KATNAL1: variants seen among roughly 807,000 people sequenced by gnomAD.
KATNAL1 encodes katanin catalytic subunit A1 like 1, also known as katanin p60 ATPase-containing subunit A-like 1.
Under a neutral mutation model 55.2 loss-of-function variants are expected in KATNAL1, and 32 were observed. That is an observed-to-expected ratio of 0.58 (90% confidence interval 0.44 to 0.78). The LOEUF (loss-of-function observed/expected upper bound fraction) is 0.78, where lower values mean the gene tolerates loss of function less well. Among genes scored for constraint, KATNAL1 ranks in the 30% least tolerant of loss-of-function variants. The pLI is 0.00. For synonymous variants in KATNAL1, 193 were observed against 193.6 expected, an observed-to-expected ratio of 1.00 and a Z score of 0.02; for missense variants, 466 against 600.9, an observed-to-expected ratio of 0.78 and a Z score of 2.35.
rs780366197 is a variant in KATNAL1 at position 30,230,612 on chromosome 13, A to G, written c.886-18T>C. 3.8e-6 allele frequency: 6 copies of G among 1,560,254 alleles called. No individual in the cohort carries two copies. Among genetic ancestry groups the G allele is most frequent in the South Asian group, 2.4e-5 (2 of 84,816 alleles). On this transcript the variant is annotated intron_variant, in intron 7 of 10. Coordinates refer to ENST00000380615, the MANE Select transcript of KATNAL1 (RefSeq NM_032116.5). ...AATCTAGCCTTTATGAAAATATTTT[A>G]AAGAAATCATTCAATAATCTCATAA...
intron 3 of KATNAL1, among the ~76,000 whole-genome samples, chr13:30,261,967 AG>A (rs993556778): frequency 3.9e-5 from 6 of 152,346 alleles, no homozygotes; most frequent in African/African-American, 1.4e-4. Flanking sequence ...CATACTTGGA[AG>A]TAAAGTTCTC....
At chr13:30,278,775 T>C (rs750393055) in intron 3 of KATNAL1, among the ~76,000 whole-genome samples, 2 of 152,234 alleles carry the variant, frequency 1.3e-5, no homozygotes, top group Non-Finnish European at 2.9e-5. Context: ...TAGGCTAAAA[T>C]GTCATTCTTT....
chr13:30,238,866 G>GA (rs1314889964), intron 6 of KATNAL1, among the ~76,000 whole-genome samples: 2 of 152,210 alleles, frequency 1.3e-5, no homozygotes, highest in Non-Finnish European at 2.9e-5. Flanking sequence ...CAATGCAGGA[G>GA]AAAGTGTGCC....
chr13:30,276,323 G>A (rs950770882), intron 3 of KATNAL1, among the ~76,000 whole-genome samples: 8 of 152,258 alleles, frequency 5.3e-5, no homozygotes, highest in East Asian at 1.9e-4. Flanking sequence ...CAAAACCACC[G>A]ATGGAAAACC....
intron 4 of KATNAL1, among the ~76,000 whole-genome samples, chr13:30,248,806 T>G (rs1878026230): frequency 6.6e-6 from 1 of 152,170 alleles, no homozygotes; most frequent in Non-Finnish European, 1.5e-5. Flanking sequence ...ACGCCTGTAA[T>G]CCCAGCACTT....
intron 4 of KATNAL1, among the ~76,000 whole-genome samples, chr13:30,253,658 A>G (rs1011599415): frequency 1.2e-3 from 28 of 24,186 alleles, no homozygotes; most frequent in African/African-American, 2.1e-3. Context: ...GCGAGACTCC[A>G]TCTCAAAAAA....
intron 3 of KATNAL1, 55 bp downstream of exon 3, chr13:30,280,008 A>T: frequency 6.9e-7 from 1 of 1,458,102 alleles, no homozygotes; most frequent in Non-Finnish European, 9.3e-7. Context: ...AACATGCTTC[A>T]CTGTGAACAT....
chr13:30,228,517 A>G (rs796810747), intron 8 of KATNAL1, among the ~76,000 whole-genome samples: 7 of 152,364 alleles, frequency 4.6e-5, no homozygotes, highest in African/African-American at 1.7e-4. Context: ...TCAGCTGACT[A>G]AATTTGTATT....
rs142177530 is a variant in KATNAL1 at position 30,280,868 on chromosome 13, C to T, written c.163-645G>A. ...ACTGAACACATACTATGAGGAAATT[C>T]TTGTGTTTGCAAACTTTGAGCCCAA... is the stretch of plus-strand genomic sequence containing the variant. On this transcript the variant is annotated intron_variant, in intron 2 of 10. Transcript: ENST00000380615. Among the ~76,000 whole-genome samples the T allele has an allele frequency of 4.7e-3, 715 of 151,968 alleles. 2 individuals are homozygous for T. Among genetic ancestry groups the T allele is most frequent in the Non-Finnish European group, 8.0e-3 (541 of 67,962 alleles).
chr13:30,263,015 T>G (rs1472659628), intron 3 of KATNAL1, among the ~76,000 whole-genome samples: 6 of 152,178 alleles, frequency 3.9e-5, no homozygotes, highest in Non-Finnish European at 8.8e-5. Flanking sequence ...TAAAAGCTTA[T>G]CCACCATGAT....
At chr13:30,225,878 G>A (rs1456017189) in intron 9 of KATNAL1, among the ~76,000 whole-genome samples, 1 of 150,974 alleles carries the variant, frequency 6.6e-6, no homozygotes, top group Admixed American at 6.6e-5. Context: ...AAAATCAAAA[G>A]GCAAACTACA....
intron 9 of KATNAL1, among the ~76,000 whole-genome samples, chr13:30,215,438 G>A (rs1395260762): frequency 2.6e-5 from 4 of 152,110 alleles, no homozygotes; most frequent in Admixed American, 2.0e-4. Context: ...TATACCCAAA[G>A]GACTATAAAT....
chr13:30,241,355 A>G (rs1198308640), intron 4 of KATNAL1, among the ~76,000 whole-genome samples: 1 of 152,154 alleles, frequency 6.6e-6, no homozygotes, highest in Non-Finnish European at 1.5e-5. Flanking sequence ...TAGATCCCAA[A>G]AGACTGGGAA....
At chr13:30,287,863 C>T (rs995820822) in intron 1 of KATNAL1, among the ~76,000 whole-genome samples, 1 of 152,064 alleles carries the variant, frequency 6.6e-6, no homozygotes, top group African/African-American at 2.4e-5. Context: ...TGTAAAAGAC[C>T]TAACAAGTAA....
intron 9 of KATNAL1, among the ~76,000 whole-genome samples, chr13:30,223,962 C>G (rs1875180813): frequency 6.6e-6 from 1 of 152,108 alleles, no homozygotes; most frequent in African/African-American, 2.4e-5. Flanking sequence ...TGCTGAATCA[C>G]AAATCTCAAG....
chr13:30,253,383 A>C (rs1297817071), intron 4 of KATNAL1, among the ~76,000 whole-genome samples: 2 of 152,204 alleles, frequency 1.3e-5, no homozygotes, highest in African/African-American at 4.8e-5. Context: ...TCAATGAAAG[A>C]ATAACTAAGA....
At chr13:30,266,989 A>G (rs1269832714) in intron 3 of KATNAL1, among the ~76,000 whole-genome samples, 2 of 152,242 alleles carry the variant, frequency 1.3e-5, no homozygotes. Flanking sequence ...CGGATGAGCC[A>G]TACTAAATCT....
chr13:30,215,280 T>C (rs1490876981), intron 9 of KATNAL1, among the ~76,000 whole-genome samples: 1 of 152,018 alleles, frequency 6.6e-6, no homozygotes, highest in Non-Finnish European at 1.5e-5. Context: ...AAACAACAGG[T>C]GCTGGAGAGG....
chr13:30,235,919 T>C (rs1279974145), intron 6 of KATNAL1, among the ~76,000 whole-genome samples: 2 of 152,136 alleles, frequency 1.3e-5, no homozygotes, highest in South Asian at 2.1e-4. Flanking sequence ...TGTAAACACA[T>C]ATTTTGTATA....
Sources: gnomAD v4.1 joint callset for allele counts (sites outside exome capture counted in the v4.1 genomes callset) on GRCh38, gnomAD v4.1.1 for gene constraint, MANE v1.5 for transcripts, NCBI Gene and HGNC (gene_info 2026-07-23, HGNC 2026-07-21) for gene names.